Variants in SRGAP3 observed in about 807,000 individuals in gnomAD.
SRGAP3 encodes the protein SLIT-ROBO Rho GTPase activating protein 3.
A neutral mutation model predicts 121.1 loss-of-function variants in SRGAP3; 39 were observed. The ratio of observed to expected loss-of-function variants is 0.32; its 90% confidence interval spans 0.25 to 0.42. The LOEUF (loss-of-function observed/expected upper bound fraction) is 0.42, where lower values mean the gene tolerates loss of function less well. SRGAP3 is among the 10% of genes least tolerant of loss of function. SRGAP3 has a pLI of 1.00. For synonymous variants in SRGAP3, 601 were observed against 570.0 expected, an observed-to-expected ratio of 1.05 and a Z score of -0.77; for missense variants, 1,213 against 1,470.6, an observed-to-expected ratio of 0.82 and a Z score of 2.86.
intron 12 of SRGAP3, chr3:9,028,085 C>T (rs1559948807): frequency 6.2e-7 from 1 of 1,614,142 alleles, no homozygotes; most frequent in South Asian, 1.1e-5. Context: ...GCTAATGGGC[C>T]TTTCTAGTAA....
intron 1 of SRGAP3, among the ~76,000 whole-genome samples, chr3:9,177,035 T>C (rs1197587499): frequency 6.6e-6 from 1 of 152,244 alleles, no homozygotes; most frequent in Admixed American, 6.5e-5. Context: ...TTGATTTTCC[T>C]ATTTTTTCTA....
chr3:9,103,583 C>A (rs1948299697), intron 3 of SRGAP3, among the ~76,000 whole-genome samples: 1 of 152,194 alleles, frequency 6.6e-6, no homozygotes, highest in African/African-American at 2.4e-5. Context: ...ATTCTGGACC[C>A]AGAGGCCACA....
chr3:9,284,624 G>C (rs1431190144), intron 3 of SRGAP3, among the ~76,000 whole-genome samples: 1 of 152,136 alleles, frequency 6.6e-6, no homozygotes, highest in East Asian at 1.9e-4. Flanking sequence ...GAGCTCAGGA[G>C]TTTGAGACCA....
At chr3:9,124,155 G>C (rs946427896) in intron 2 of SRGAP3, among the ~76,000 whole-genome samples, 1 of 152,126 alleles carries the variant, frequency 6.6e-6, no homozygotes, top group Non-Finnish European at 1.5e-5. Flanking sequence ...CAGAGCTTGG[G>C]ATATGAGAAA....
chr3:9,290,794 A>G (rs181332053), intron 3 of SRGAP3, among the ~76,000 whole-genome samples: 485 of 152,280 alleles, frequency 3.2e-3, no homozygotes, highest in Non-Finnish European at 5.0e-3. Context: ...GCCGTGAGTC[A>G]GAGCAATGCT....
chr3:9,092,755 T>A (rs1409202867), intron 3 of SRGAP3, among the ~76,000 whole-genome samples: 5 of 152,204 alleles, frequency 3.3e-5, no homozygotes, highest in African/African-American at 1.2e-4. Context: ...TCATCATAAA[T>A]GTCAGATAAC....
chr3:9,130,918 C>T (rs1949420945), intron 1 of SRGAP3, among the ~76,000 whole-genome samples: 1 of 152,222 alleles, frequency 6.6e-6, no homozygotes, highest in African/African-American at 2.4e-5. Context: ...TCCCCCAGTT[C>T]ACACAACCAG....
At chr3:9,323,987 T>C (rs976818203) in intron 3 of SRGAP3, among the ~76,000 whole-genome samples, 2 of 152,000 alleles carry the variant, frequency 1.3e-5, no homozygotes, top group African/African-American at 4.8e-5. Context: ...GGGTGCCTCA[T>C]GGTCAGAATA....
At position 9,032,705 on chromosome 3, in the gene SRGAP3, G is replaced by C. The variant is rs1028904193; in HGVS notation, c.1484C>G (p.Pro495Arg). ...GAGTTTATGGCTATACACTGAGAGA[G>C]GCCTAGGTCTCCTCATTTTCTGTGG... ...PKPQKMRRPR[P>R]LSVYSHKLFN... Residue 495 changes from proline (P) to arginine (R), a missense_variant, in exon 12 of 22, where the codon CCT becomes CGT. This residue lies in a region of SRGAP3 where 793 missense variants were observed against 1,032.9 expected (regional missense o/e 0.77). Coordinates refer to ENST00000383836, the MANE Select transcript of SRGAP3 (RefSeq NM_014850.4). 2.5e-6 allele frequency: 4 copies of C among 1,613,446 alleles called. No individual in the cohort carries two copies. Among genetic ancestry groups the C allele is most frequent in the Non-Finnish European group, 2.5e-6 (3 of 1,179,880 alleles).
intron 17 of SRGAP3, 40 bp from the exon 18 acceptor site, chr3:9,010,427 T>C: frequency 6.2e-7 from 1 of 1,611,546 alleles, no homozygotes; most frequent in Non-Finnish European, 8.5e-7. Context: ...TGCGGGGGGT[T>C]ATCTACCCTC....
At chr3:9,222,456 T>C (rs1487365431) in intron 1 of SRGAP3, among the ~76,000 whole-genome samples, 1 of 152,192 alleles carries the variant, frequency 6.6e-6, no homozygotes, top group African/African-American at 2.4e-5. Context: ...TATAATAAAA[T>C]CCATGTATTT....
intron 15 of SRGAP3, 35 bp downstream of exon 15, chr3:9,015,562 C>CA (rs1489446248): frequency 2.5e-6 from 4 of 1,612,766 alleles, no homozygotes; most frequent in Non-Finnish European, 3.4e-6. Context: ...AATGATTTGT[C>CA]AAAAAACTGA....
At chr3:9,340,603 T>C (rs1399821678) in intron 1 of SRGAP3, among the ~76,000 whole-genome samples, 1 of 152,208 alleles carries the variant, frequency 6.6e-6, no homozygotes, top group African/African-American at 2.4e-5. Context: ...GAGATGACCC[T>C]GATAGACCTG....
intron 1 of SRGAP3, among the ~76,000 whole-genome samples, chr3:9,146,338 C>T (rs1950022774): frequency 6.6e-6 from 1 of 152,302 alleles, no homozygotes; most frequent in Middle Eastern, 3.4e-3. Context: ...TTTAGAGTCC[C>T]GCTCCACCTG....
intron 1 of SRGAP3, among the ~76,000 whole-genome samples, chr3:9,207,944 G>A (rs1462258102): frequency 6.6e-6 from 1 of 152,178 alleles, no homozygotes; most frequent in Admixed American, 6.5e-5. Flanking sequence ...GGCCAGGCCT[G>A]TCTCACTGCG....
chr3:9,250,071 T>G (rs532309549), upstream of SRGAP3, among the ~76,000 whole-genome samples: 3 of 152,178 alleles, frequency 2.0e-5, no homozygotes, highest in Non-Finnish European at 4.4e-5. Flanking sequence ...GTTAAAGGCA[T>G]GCAGCTTAGC....
chr3:9,140,138 C>T (rs548576767), intron 1 of SRGAP3, among the ~76,000 whole-genome samples: 21 of 144,320 alleles, frequency 1.5e-4, no homozygotes, highest in Admixed American at 6.1e-4. Context: ...CACACACACA[C>T]ACACACACAC....
chr3:9,075,283 C>T (rs903426716), intron 4 of SRGAP3, among the ~76,000 whole-genome samples: 4 of 152,108 alleles, frequency 2.6e-5, no homozygotes, highest in Admixed American at 6.5e-5. Context: ...TGTGTGCGCA[C>T]GCTTGCATAT....
At chr3:9,347,988 G>A (rs1260141379) in intron 1 of SRGAP3, among the ~76,000 whole-genome samples, 2 of 152,138 alleles carry the variant, frequency 1.3e-5, no homozygotes, top group Non-Finnish European at 2.9e-5. Context: ...TCACCAACAG[G>A]CACTAGAAAC....
Sources: allele counts gnomAD v4.1 joint callset (sites outside exome capture counted in the v4.1 genomes callset), GRCh38; gene constraint gnomAD v4.1.1; regional missense constraint gnomAD v4.1.1; transcripts MANE v1.5; gene names NCBI Gene and HGNC (gene_info 2026-07-23, HGNC 2026-07-21).